The following SAMD11 variants were observed in gnomAD, a reference collection of about 807,000 sequenced individuals.
SAMD11 encodes sterile alpha motif domain-containing protein 11.
In SAMD11, 77 loss-of-function variants were observed where a neutral mutation model predicts 64.4. The ratio of observed to expected loss-of-function variants is 1.20; its 90% CI spans 0.99 to 1.44. SAMD11 has a LOEUF of 1.44. Ranked by LOEUF, SAMD11 falls within the 40% of genes most tolerant of loss-of-function variation. The probability of loss-of-function intolerance (pLI) is 0.00; values close to 1 mark genes in which losing one functional copy is unlikely to be tolerated. For synonymous variants in SAMD11, 658 were observed against 421.9 expected (o/e 1.56, Z -6.86); for missense variants, 1,402 against 943.3 (o/e 1.49, Z -6.37).
intron 5 of SAMD11, among the ~76,000 whole-genome samples, chr1:937,190 C>T (rs1334146706): frequency 1.3e-5 from 2 of 152,134 alleles, no homozygotes; most frequent in Non-Finnish European, 2.9e-5. Context: ...ACCTCTTCTC[C>T]CTTCCTGTGA....
chr1:943,748 G>A lies in SAMD11; in HGVS notation c.2229G>A (p.Glu743=). The part of the protein sequence containing the change: ...IDGETLPLLT[E]EHLLTNMGLK... ...GGGAGACCCTGCCACTGCTGACGGAGGAGCACCTGCTGACCAACATGGGGC... is the reference window on the plus strand; with the variant it reads ...GGGAGACCCTGCCACTGCTGACGGAAGAGCACCTGCTGACCAACATGGGGC... The change falls in exon 13 of 14, where the codon GAG becomes GAA. Residue 743 remains glutamate, a synonymous_variant. Transcript: ENST00000616016. 1 of 1,609,826 alleles carries A rather than the reference G, an allele frequency of 6.2e-7. No individual in the cohort carries two copies. Among genetic ancestry groups the A allele is most frequent in the Non-Finnish European group, 8.5e-7 (1 of 1,178,250 alleles).
chr1:937,088 C>T lies in SAMD11; in HGVS notation c.967+1192C>T, dbSNP rs527510579. Among the ~76,000 whole-genome samples, 54 of 152,270 alleles carry T rather than the reference C, an allele frequency of 3.5e-4. 1 individual carries two copies. In the South Asian group the frequency reaches 9.1e-3, roughly 26 times the overall value. ...TACGGGGCCTCACGTGTCCTGGACC[C>T]GTGTCCAGGTCTCCCATACGCACTC... On this transcript the variant is annotated intron_variant, in intron 5 of 13. Transcript: ENST00000616016.
intron 2 of SAMD11, among the ~76,000 whole-genome samples, chr1:926,527 C>T (rs1305393689): frequency 3.9e-5 from 6 of 152,136 alleles, no homozygotes; most frequent in East Asian, 1.9e-4. Context: ...GTCCTAGGGA[C>T]GCAGAGGCTA....
intron 2 of SAMD11, among the ~76,000 whole-genome samples, chr1:926,264 G>A (rs1032144440): frequency 1.3e-5 from 2 of 152,236 alleles, no homozygotes; most frequent in African/African-American, 4.8e-5. Flanking sequence ...TTGTCTTAGA[G>A]CCTCCCCTTG....
intron 4 of SAMD11, among the ~76,000 whole-genome samples, chr1:932,058 A>G (rs147092636): frequency 6.6e-6 from 1 of 152,352 alleles, no homozygotes; most frequent in African/African-American, 2.4e-5. Flanking sequence ...GTTATTATTT[A>G]TGTCTCTGAG....
chr1:932,341 C>G (rs1641206565), intron 4 of SAMD11, among the ~76,000 whole-genome samples: 1 of 152,162 alleles, frequency 6.6e-6, no homozygotes, highest in South Asian at 2.1e-4. Flanking sequence ...ATGCAGCGTC[C>G]CTCGGCAGCA....
chr1:941,134 C>A lies in SAMD11; in HGVS notation c.1196-10C>A, dbSNP rs773607687. 1 of 1,591,578 alleles carries A rather than the reference C, an allele frequency of 6.3e-7. No homozygotes were observed. The highest frequency in any genetic ancestry group is 1.3e-5 in the African/African-American group (1 of 74,464). ...AGCCGGGGGGATCACTGCTGTTGTC[C>A]CCCACCCAGATCTCCTGAGGGTCCG... On this transcript the variant is annotated splice_polypyrimidine_tract_variant and intron_variant, in intron 7 of 13. Coordinates refer to ENST00000616016, the MANE Select transcript of SAMD11 (RefSeq NM_001385641.1).
At chr1:935,029 G>T (rs1483299252) in intron 4 of SAMD11, among the ~76,000 whole-genome samples, 1 of 152,128 alleles carries the variant, frequency 6.6e-6, no homozygotes, top group Non-Finnish European at 1.5e-5. Flanking sequence ...GCTGACTGGG[G>T]AGAGGCTCAC....
Position 930,240 on chromosome 1 carries a change from C to G in SAMD11, c.695C>G (p.Ala232Gly), listed in dbSNP as rs1641107074. 1 of 1,600,680 alleles carries G rather than the reference C, an allele frequency of 6.2e-7. No homozygotes were observed. The change falls in exon 3 of 14, where the codon GCC (alanine) becomes GGC (glycine). Residue 232 changes from alanine (A) to glycine (G), a missense_variant. Transcript: ENST00000616016. ...LKKERTPSFS[A>G]SDGDSDGSGP... is the part of the protein sequence containing the mutation. ...AAGGAGCGAACTCCCAGCTTCTCTGCCAGCGATGGTGACAGCGACGGGAGT... is the reference window on the plus strand; with the variant it reads ...AAGGAGCGAACTCCCAGCTTCTCTGGCAGCGATGGTGACAGCGACGGGAGT...
At chr1:943,128 G>C (rs188212419) in intron 11 of SAMD11, 70 bp downstream of exon 11, 13 of 1,570,742 alleles carry the variant, frequency 8.3e-6, no homozygotes, top group Non-Finnish European at 9.5e-6. Flanking sequence ...GAAGGGTCTT[G>C]GGGGGAGGAA....
At chr1:938,041 G>A (rs143997586) in intron 5 of SAMD11, among the ~76,000 whole-genome samples, 109 of 152,138 alleles carry the variant, frequency 7.2e-4, no homozygotes, top group Non-Finnish European at 1.2e-3. Flanking sequence ...CCCAGCTAGA[G>A]CCCTCATGAG....
At position 943,789 on chromosome 1, in the gene SAMD11, C is replaced by T; in HGVS notation, c.2270C>T (p.Ala757Val). The T allele has an allele frequency of 5.6e-6, 9 of 1,612,668 alleles. No homozygotes were observed. Among genetic ancestry groups the T allele is most frequent in the Non-Finnish European group, 7.6e-6 (9 of 1,179,932 alleles). ...LTNMGLKLGP[A>V]LKIRAQVARR... ...AACATGGGGCTGAAGCTGGGGCCCG[C>T]CCTCAAGATCCGGGCCCAGGTGAGA... The change falls in exon 13 of 14, where the codon GCC (alanine) becomes GTC (valine). Residue 757 changes from alanine (A) to valine (V), a missense_variant. Coordinates refer to ENST00000616016, the MANE Select transcript of SAMD11 (RefSeq NM_001385641.1).
intron 2 of SAMD11, among the ~76,000 whole-genome samples, chr1:928,058 CAAG>C (rs1307712695): frequency 6.6e-6 from 1 of 152,236 alleles, no homozygotes; most frequent in Non-Finnish European, 1.5e-5. Flanking sequence ...ATCCCACAGA[CAAG>C]AAGCAGAGAG....
chr1:931,107 C>A lies in SAMD11; in HGVS notation c.842+18C>A, dbSNP rs760657789. ...TCCTGCAGGTAGGAGCCGTGCTGTG[C>A]GTGCATAAGAGGGGGCCGTGACTCC... On this transcript the variant is annotated intron_variant, in intron 4 of 13. Transcript: ENST00000616016. The A allele has an allele frequency of 3.7e-6, 6 of 1,609,316 alleles. No homozygotes were observed. Among genetic ancestry groups the A allele is most frequent in the Non-Finnish European group, 4.2e-6 (5 of 1,177,502 alleles).
chr1:930,486 CA>C lies in SAMD11; in HGVS notation c.791+151del, dbSNP rs1449773629. 4.3e-5 allele frequency: 39 copies of C among 899,090 alleles called. 1 individual carries two copies. In the Middle Eastern group the frequency reaches 9.9e-4, roughly 23 times the overall value. The allele number at this position is 899,090 out of a possible 1,614,324, so 55.7% of individuals were successfully genotyped here. A position where few individuals can be genotyped will look rare whatever the true frequency, so the allele number is the denominator to read the frequency against. ...TTTGGGGTCCTGTGTGGGTCGCAGGCAGGAGCTGTTTCCTCATCTGCCCCCT... is the reference window on the plus strand; with the variant it reads ...TTTGGGGTCCTGTGTGGGTCGCAGGCGGAGCTGTTTCCTCATCTGCCCCCT... On this transcript the variant is annotated intron_variant, in intron 3 of 13. Coordinates refer to ENST00000616016, the MANE Select transcript of SAMD11 (RefSeq NM_001385641.1).
At chr1:935,697 C>T in intron 4 of SAMD11, 75 bp from the exon 5 acceptor site, 6 of 1,592,658 alleles carry the variant, frequency 3.8e-6, no homozygotes, top group South Asian at 1.1e-5. Context: ...CAGAGCTAGG[C>T]ACTCCCTGTG....
At chr1:939,557 G>C in intron 7 of SAMD11, 145 bp downstream of exon 7, 1 of 1,485,436 alleles carries the variant, frequency 6.7e-7, no homozygotes, top group Non-Finnish European at 9.1e-7. Flanking sequence ...ACCAAGGCCA[G>C]GCTGGATGCA....
intron 2 of SAMD11, among the ~76,000 whole-genome samples, chr1:928,758 G>A (rs1641028598): frequency 6.6e-6 from 1 of 152,266 alleles, no homozygotes; most frequent in Non-Finnish European, 1.5e-5. Context: ...GCCGGTGAGG[G>A]GAGACGTGGC....
In SAMD11 at chr1:943,685, C is replaced by T. The variant is rs749497153; in HGVS notation, c.2179-13C>T. 4.5e-6 allele frequency: 7 copies of T among 1,550,546 alleles called. No homozygotes were observed. The highest frequency in any genetic ancestry group is 2.3e-5 in the East Asian group (1 of 43,826). Reference sequence around the variant, plus strand: ...GCACCCGGGTCCTGACCCTCCCTCCCTCCCCCTTCCAGGTCTTCAGGGAGC... The same window carrying T: ...GCACCCGGGTCCTGACCCTCCCTCCTTCCCCCTTCCAGGTCTTCAGGGAGC... On this transcript the variant is annotated splice_polypyrimidine_tract_variant and intron_variant, in intron 12 of 13. Transcript: ENST00000616016.
Sources: gnomAD v4.1 joint callset for allele counts (sites outside exome capture counted in the v4.1 genomes callset) on GRCh38, gnomAD v4.1.1 for gene constraint, MANE v1.5 for transcripts, NCBI Gene and HGNC (gene_info 2026-07-23, HGNC 2026-07-21) for gene names.